The following NREP variants were observed in gnomAD, a reference collection of about 807,000 sequenced individuals.
NREP encodes neuronal regeneration-related protein.
In NREP, 5 loss-of-function variants were observed where a neutral mutation model predicts 8.6. The observed-to-expected ratio is 0.58, with a 90% CI of 0.30 to 1.22. The LOEUF (loss-of-function observed/expected upper bound fraction) is 1.22, where lower values mean the gene tolerates loss of function less well. Among genes scored for constraint, NREP ranks in the 50% most tolerant of loss-of-function variants. The pLI is 0.07. For synonymous variants in NREP, 27 were observed against 28.0 expected (o/e 0.96, Z 0.11); for missense variants, 86 against 82.5 (o/e 1.04, Z -0.17).
Position 111,735,456 on chromosome 5 carries a change from T to G in NREP, c.55A>C (p.Lys19Gln), listed in dbSNP as rs747507026. ...TTAGGAAGCCTTCCCTCCATGTCCTTGTTTGGAAATGGTTCTTGACTGACC... is the reference window on the plus strand; with the variant it reads ...TTAGGAAGCCTTCCCTCCATGTCCTGGTTTGGAAATGGTTCTTGACTGACC... ...VWVSQEPFPN[K>Q]DMEGRLPKGR... The change falls in exon 3 of 4, where the codon AAG becomes CAG. Residue 19 changes from lysine (K) to glutamine (Q), a missense_variant. By Grantham distance (53) the Lys-to-Gln change is moderately conservative. Coordinates refer to ENST00000257435, the MANE Select transcript of NREP (RefSeq NM_004772.4). The G allele has an allele frequency of 6.2e-7, 1 of 1,612,872 alleles. No individual in the cohort carries two copies. Among genetic ancestry groups the G allele is most frequent in the South Asian group, 1.1e-5 (1 of 91,052 alleles).
chr5:111,949,009 C>T (rs966097183), intron 2 of NREP: 8 of 151,934 alleles, frequency 5.3e-5, no homozygotes, highest in African/African-American at 1.9e-4. Flanking sequence ...GGAACCTGAG[C>T]AAGAAAACTA....
intron 2 of NREP, among the ~76,000 whole-genome samples, chr5:111,970,094 T>C (rs1294155338): frequency 6.6e-6 from 1 of 152,214 alleles, no homozygotes; most frequent in Non-Finnish European, 1.5e-5. Context: ...CTGTAAGATC[T>C]CTTTTCTAGG....
At chr5:111,776,086 C>T (rs1170136761) in intron 2 of NREP, among the ~76,000 whole-genome samples, 1 of 152,112 alleles carries the variant, frequency 6.6e-6, no homozygotes, top group Non-Finnish European at 1.5e-5. Context: ...TAGCCTCAAA[C>T]CCTGCCAGGA....
chr5:111,872,340 T>C (rs78178321), intron 2 of NREP, among the ~76,000 whole-genome samples: 7,664 of 152,236 alleles, frequency 0.05, 470 homozygotes, highest in East Asian at 0.23. Context: ...GCTGATTGGG[T>C]GAGGCCTCTC....
chr5:111,957,659 A>G (rs1460919729), intron 2 of NREP, among the ~76,000 whole-genome samples: 1 of 151,898 alleles, frequency 6.6e-6, no homozygotes, highest in Non-Finnish European at 1.5e-5. Context: ...ATTTTTAACT[A>G]AAATATGAGC....
chr5:111,866,197 C>G (rs1039027059), intron 2 of NREP, among the ~76,000 whole-genome samples: 1 of 152,042 alleles, frequency 6.6e-6, no homozygotes, highest in Non-Finnish European at 1.5e-5. Flanking sequence ...AAGAAACTAC[C>G]ATCAGAGTGA....
Position 111,771,537 on chromosome 5 carries a change from C to T in NREP, c.136-36030G>A, listed in dbSNP as rs180938114. Among the ~76,000 whole-genome samples, 34 of 151,750 alleles carry T rather than the reference C, an allele frequency of 2.2e-4. 1 individual carries two copies. In the South Asian group the frequency reaches 2.3e-3, roughly 10 times the overall value. On this transcript the variant is annotated intron_variant, in intron 2 of 3. Coordinates refer to the NREP transcript ENST00000395634. ...CAGCATTTTGGTAGGCTGAGGGGGG[C>T]GGATAGCCTGAGGTCAGAAGTTCGA...
chr5:111,878,458 A>G (rs1753964935), intron 2 of NREP, among the ~76,000 whole-genome samples: 2 of 152,166 alleles, frequency 1.3e-5, no homozygotes, highest in Admixed American at 6.5e-5. Flanking sequence ...TCACTATCCC[A>G]AGAACAGCAC....
intron 2 of NREP, among the ~76,000 whole-genome samples, chr5:111,947,099 G>C (rs1400995529): frequency 6.6e-6 from 1 of 151,896 alleles, no homozygotes; most frequent in Non-Finnish European, 1.5e-5. Flanking sequence ...AAATAACTTT[G>C]ACATTTTAAA....
At chr5:111,761,513 A>C (rs916479929), upstream of NREP, among the ~76,000 whole-genome samples, 2 of 152,216 alleles carry the variant, frequency 1.3e-5, no homozygotes, top group Non-Finnish European at 2.9e-5. Context: ...CTTTGTGGTC[A>C]CAGTGCACCA....
intron 2 of NREP, among the ~76,000 whole-genome samples, chr5:111,810,313 G>A (rs1752242451): frequency 1.3e-5 from 2 of 152,190 alleles, no homozygotes; most frequent in South Asian, 4.1e-4. Flanking sequence ...ATGACTCTCT[G>A]CTGCTGTGGA....
chr5:111,798,651 T>C (rs944705904), intron 2 of NREP, among the ~76,000 whole-genome samples: 2 of 152,208 alleles, frequency 1.3e-5, no homozygotes, highest in African/African-American at 4.8e-5. Flanking sequence ...AGTTACTTCA[T>C]TTGGAATAAT....
At chr5:111,807,650 A>G (rs1176332310) in intron 2 of NREP, among the ~76,000 whole-genome samples, 1 of 152,164 alleles carries the variant, frequency 6.6e-6, no homozygotes, top group Non-Finnish European at 1.5e-5. Flanking sequence ...TAGAAACCCT[A>G]AAGAGACTTA....
intron 2 of NREP, among the ~76,000 whole-genome samples, chr5:111,856,413 CATATTCTT>C (rs1753428898): frequency 6.6e-6 from 1 of 152,114 alleles, no homozygotes; most frequent in African/African-American, 2.4e-5. Context: ...ACAAAAAACT[CATATTCTT>C]ATATTAAAGC....
intron 2 of NREP, among the ~76,000 whole-genome samples, chr5:111,787,979 C>A (rs974459282): frequency 1.1e-4 from 16 of 152,040 alleles, no homozygotes; most frequent in African/African-American, 3.6e-4. Flanking sequence ...ACACCTGTGG[C>A]CCCAGCTACT....
exon 1 of NREP, chr5:111,976,801 C>A: frequency 6.9e-7 from 1 of 1,450,948 alleles, no homozygotes; most frequent in South Asian, 1.2e-5. Context: ...AGCTTCTTGC[C>A]GGGAGTTGGC....
chr5:111,884,753 G>T (rs1371275027), intron 2 of NREP, among the ~76,000 whole-genome samples: 4 of 151,994 alleles, frequency 2.6e-5, no homozygotes, highest in Non-Finnish European at 5.9e-5. Context: ...ATGCAGAAAA[G>T]GCCTTTGACA....
intron 2 of NREP, among the ~76,000 whole-genome samples, chr5:111,815,668 T>C (rs1752369680): frequency 6.6e-6 from 1 of 151,866 alleles, no homozygotes; most frequent in Non-Finnish European, 1.5e-5. Flanking sequence ...GAAGGTATGA[T>C]TAAGGACATG....
At chr5:111,780,887 C>T (rs1751477728) in intron 2 of NREP, among the ~76,000 whole-genome samples, 1 of 136,712 alleles carries the variant, frequency 7.3e-6, no homozygotes, top group South Asian at 2.5e-4. Flanking sequence ...TATGTTCCTT[C>T]CCACATTTTT....
Sources: gnomAD v4.1 joint callset for allele counts (sites outside exome capture counted in the v4.1 genomes callset) on GRCh38, gnomAD v4.1.1 for gene constraint, MANE v1.5 for transcripts, NCBI Gene and HGNC (gene_info 2026-07-23, HGNC 2026-07-21) for gene names.